ITPKB: variants seen among roughly 807,000 people sequenced by gnomAD.
ITPKB encodes IP3 3-kinase B.
ITPKB carries 13 observed loss-of-function variants against 69.4 expected under a neutral mutation model. The observed-to-expected ratio is 0.19, with a 90% CI of 0.12 to 0.30. The LOEUF (loss-of-function observed/expected upper bound fraction) is 0.30. Among genes scored for constraint, ITPKB ranks in the 10% least tolerant of loss-of-function variants. The pLI, the probability that ITPKB is intolerant of heterozygous loss-of-function variation, is 1.00. For missense variants in ITPKB, 1,240 were observed against 1,250.5 expected (o/e 0.99, Z 0.13); for synonymous variants, 584 against 513.7 (o/e 1.14, Z -1.85).
At chr1:226,721,587 C>A (rs937881312) in intron 2 of ITPKB, among the ~76,000 whole-genome samples, 1 of 151,682 alleles carries the variant, frequency 6.6e-6, no homozygotes, top group Non-Finnish European at 1.5e-5. Context: ...CCTCTGCCTC[C>A]CAGGTTCAAG....
intron 2 of ITPKB, among the ~76,000 whole-genome samples, chr1:226,664,780 C>T (rs981285032): frequency 6.6e-6 from 1 of 152,196 alleles, no homozygotes; most frequent in African/African-American, 2.4e-5. Flanking sequence ...CAAAGAGCCC[C>T]GGGATTCAAG....
chr1:226,713,316 T>C (rs1401613473), intron 2 of ITPKB, among the ~76,000 whole-genome samples: 1 of 152,118 alleles, frequency 6.6e-6, no homozygotes, highest in Non-Finnish European at 1.5e-5. Flanking sequence ...CTACACACCA[T>C]GGGGCGAAAC....
intron 2 of ITPKB, among the ~76,000 whole-genome samples, chr1:226,699,343 C>T (rs373092695): frequency 1.1e-4 from 16 of 152,218 alleles, no homozygotes; most frequent in East Asian, 3.8e-4. Context: ...GCTGACGACA[C>T]GGTCAGATTC....
intron 2 of ITPKB, among the ~76,000 whole-genome samples, chr1:226,696,062 G>T (rs1656477488): frequency 6.6e-6 from 1 of 152,106 alleles, no homozygotes; most frequent in African/African-American, 2.4e-5. Flanking sequence ...CTTGCCCGGG[G>T]CACCCAGCTT....
At chr1:226,652,346 G>A (rs1019988091) in intron 2 of ITPKB, among the ~76,000 whole-genome samples, 3 of 152,210 alleles carry the variant, frequency 2.0e-5, no homozygotes, top group South Asian at 2.1e-4. Context: ...TTCCAGGAGC[G>A]GACAGGCTAA....
chr1:226,732,261 C>T (rs999158265), intron 2 of ITPKB, among the ~76,000 whole-genome samples: 3 of 152,064 alleles, frequency 2.0e-5, no homozygotes, highest in African/African-American at 4.8e-5. Flanking sequence ...TGTTTTGAAA[C>T]GGAGTCTCAC....
intron 2 of ITPKB, among the ~76,000 whole-genome samples, chr1:226,684,324 T>A (rs1282121301): frequency 6.6e-6 from 1 of 152,112 alleles, no homozygotes; most frequent in Non-Finnish European, 1.5e-5. Flanking sequence ...GCCAGCCTAG[T>A]GCATGCTTCC....
At chr1:226,651,804 G>T (rs1669199556) in intron 2 of ITPKB, among the ~76,000 whole-genome samples, 1 of 152,174 alleles carries the variant, frequency 6.6e-6, no homozygotes, top group South Asian at 2.1e-4. Context: ...CAGGGTGGGG[G>T]TCTTCTGACA....
chr1:226,702,839 C>T (rs140140264), intron 2 of ITPKB, among the ~76,000 whole-genome samples: 1 of 152,266 alleles, frequency 6.6e-6, no homozygotes, highest in African/African-American at 2.4e-5. Flanking sequence ...TTGTGCTTAC[C>T]TTTAACTAAC....
At chr1:226,729,783 C>G (rs574871740) in intron 2 of ITPKB, among the ~76,000 whole-genome samples, 18 of 151,996 alleles carry the variant, frequency 1.2e-4, no homozygotes, top group Admixed American at 1.0e-3. Context: ...TTTTAGTAGA[C>G]GAGGTTTCAC....
At chr1:226,648,147 C>T (rs925176660) in intron 3 of ITPKB, among the ~76,000 whole-genome samples, 5 of 152,230 alleles carry the variant, frequency 3.3e-5, no homozygotes, top group Admixed American at 2.0e-4. Flanking sequence ...CTCCCAACAC[C>T]GCACACCGCC....
At chr1:226,724,246 C>T (rs1657338756) in intron 2 of ITPKB, among the ~76,000 whole-genome samples, 1 of 152,134 alleles carries the variant, frequency 6.6e-6, no homozygotes. Flanking sequence ...CACTCCCCAG[C>T]AGACCATCTT....
At chr1:226,645,309 C>T (rs947298132) in intron 4 of ITPKB, among the ~76,000 whole-genome samples, 2 of 152,158 alleles carry the variant, frequency 1.3e-5, no homozygotes, top group African/African-American at 4.8e-5. Context: ...CCTCTGCCTG[C>T]CAAGATGGGT....
chr1:226,709,722 A>G (rs1656896137), intron 2 of ITPKB, among the ~76,000 whole-genome samples: 3 of 152,134 alleles, frequency 2.0e-5, no homozygotes, highest in Admixed American at 2.0e-4. Flanking sequence ...CCTAGCCCTC[A>G]CCTGTCCCTG....
At position 226,736,208 on chromosome 1, in the gene ITPKB, G is replaced by A. The variant is rs775931875; in HGVS notation, c.1251C>T (p.Ala417=). 1.3e-5 allele frequency: 20 copies of A among 1,533,206 alleles called. No homozygotes were observed. The highest frequency in any genetic ancestry group is 1.6e-5 in the Non-Finnish European group (18 of 1,143,410). The allele number at this position is 1,533,206 out of a possible 1,614,324, so 95.0% of individuals were successfully genotyped here. The change falls in exon 2 of 8, where the codon GCC becomes GCT. Residue 417 remains alanine (A), a synonymous_variant. Transcript: ENST00000429204. ...DSLSWSRLPR[A]LASVGPEEAR... is the part of the protein sequence containing the mutation. ...CCTCCTCAGGGCCTACGGAGGCCAG[G>A]GCCCTGGGCAGCCTGGACCAGCTCA...
chr1:226,688,386 C>T (rs942547269), intron 2 of ITPKB, among the ~76,000 whole-genome samples: 1 of 151,972 alleles, frequency 6.6e-6, no homozygotes, highest in African/African-American at 2.4e-5. Context: ...CCTGACCGCC[C>T]CCCATCAGGA....
intron 2 of ITPKB, among the ~76,000 whole-genome samples, chr1:226,677,110 C>G (rs1695807): frequency 2.0e-5 from 3 of 152,204 alleles, no homozygotes; most frequent in African/African-American, 7.2e-5. Flanking sequence ...GATCTTGAGG[C>G]CAAAGGCATC....
intron 2 of ITPKB, among the ~76,000 whole-genome samples, chr1:226,697,236 G>C (rs971700106): frequency 6.6e-6 from 1 of 152,228 alleles, no homozygotes; most frequent in Non-Finnish European, 1.5e-5. Context: ...TCTGAAAGAT[G>C]AAAGTAGCAA....
Position 226,641,372 on chromosome 1 carries a change from A to G in ITPKB, c.2451+549T>C, listed in dbSNP as rs1030789393. On this transcript the variant is annotated intron_variant, in intron 5 of 7. Transcript: ENST00000429204. This position sits in a 1 kb window ranked among gnomAD's most constrained non-coding sequence, Gnocchi z 4.6. ...ACAAAGTAAATATATTAATTAGGGG[A>G]AAATTACATTTACTTATAAAGTTTG... Among the ~76,000 whole-genome samples the G allele has an allele frequency of 2.0e-5, 3 of 152,246 alleles. No homozygotes were observed. The highest frequency in any genetic ancestry group is 7.2e-5 in the African/African-American group (3 of 41,462).
Sources: gnomAD v4.1 joint callset for allele counts (sites outside exome capture counted in the v4.1 genomes callset) on GRCh38, gnomAD v4.1.1 for gene constraint, Gnocchi (gnomAD v3.1) non-coding constraint, MANE v1.5 for transcripts, NCBI Gene and HGNC (gene_info 2026-07-23, HGNC 2026-07-21) for gene names.